The following CELF2 variants were observed in gnomAD, a reference collection of about 807,000 sequenced individuals.
CELF2 encodes the protein CUGBP Elav-like family member 2, also known as CUG triplet repeat RNA-binding protein 2.
Under a neutral mutation model 62.6 loss-of-function variants are expected in CELF2, and 8 were observed. That is an observed-to-expected ratio of 0.13 (90% CI 0.07 to 0.23). The LOEUF is 0.23. CELF2 is among the 10% of genes least tolerant of loss of function. CELF2 has a pLI of 1.00. For synonymous variants in CELF2, 258 were observed against 250.0 expected (o/e 1.03, Z -0.30); for missense variants, 333 against 671.0 (o/e 0.50, Z 5.56).
chr10:11,059,847 A>G (rs2066285092), intron 1 of CELF2, among the ~76,000 whole-genome samples: 1 of 152,222 alleles, frequency 6.6e-6, no homozygotes, highest in African/African-American at 2.4e-5. Context: ...GTGCACCTGA[A>G]GGAGGGAATA....
At chr10:10,913,859 G>GAAGGAAGGAAGGAAGGA in intron 1 of CELF2, among the ~76,000 whole-genome samples, 1 of 8,152 alleles carries the variant, frequency 1.2e-4, no homozygotes, top group South Asian at 7.7e-3. Context: ...GGGAAGGAGA[G>GAAGGAAGGAAGGAAGGA]AAGGAAGGAA....
intron 2 of CELF2, among the ~76,000 whole-genome samples, chr10:10,964,129 A>C (rs909384104): frequency 4.6e-5 from 7 of 152,152 alleles, no homozygotes; most frequent in African/African-American, 1.7e-4. Flanking sequence ...AGATAACACT[A>C]TTTTGCAATT....
chr10:10,926,623 G>T (rs1180115619), intron 2 of CELF2, among the ~76,000 whole-genome samples: 1 of 152,174 alleles, frequency 6.6e-6, no homozygotes, highest in Non-Finnish European at 1.5e-5. Context: ...GTCACGTGGG[G>T]ACCATGTCCA....
rs1229668457 is a variant in CELF2 at position 10,983,846 on chromosome 10, T to G, written c.89+63847T>G. 6.6e-6 allele frequency among the ~76,000 whole-genome samples: 1 copy of G among 152,154 alleles called. No individual in the cohort carries two copies. Among genetic ancestry groups the G allele is most frequent in the Non-Finnish European group, 1.5e-5 (1 of 68,024 alleles). On this transcript the variant is annotated intron_variant, in intron 2 of 13. Coordinates refer to the CELF2 transcript ENST00000636488. The surrounding 1 kb of genome is among the most constrained non-coding windows in gnomAD (Gnocchi z 5.2). ...TCCCAAAGTGCTGGGATTACAGGCATGAGCTACCACGCCTGGCCGATATAT... is the reference window on the plus strand; with the variant it reads ...TCCCAAAGTGCTGGGATTACAGGCAGGAGCTACCACGCCTGGCCGATATAT...
Position 11,099,994 on chromosome 10 carries a change from C to T in CELF2, c.75-65492C>T, listed in dbSNP as rs118138175. On this transcript the variant is annotated intron_variant, in intron 1 of 12. Transcript: ENST00000633077. ...GATGGGCAGATCACCTGAGGTCAGGCGTTTGAGATCAGCCTAGCCAACATG... is the reference window on the plus strand; with the variant it reads ...GATGGGCAGATCACCTGAGGTCAGGTGTTTGAGATCAGCCTAGCCAACATG... 5.2e-3 allele frequency among the ~76,000 whole-genome samples: 787 copies of T among 151,674 alleles called. 3 individuals carry two copies. Among genetic ancestry groups the T allele is most frequent in the Non-Finnish European group, 9.2e-3 (628 of 67,940 alleles).
chr10:10,807,399 A>G (rs1020651639), intron 1 of CELF2, among the ~76,000 whole-genome samples: 5 of 152,210 alleles, frequency 3.3e-5, no homozygotes, highest in Non-Finnish European at 1.5e-5. Flanking sequence ...ATGTCTGGTC[A>G]TATCTGATTT....
chr10:10,682,141 T>C, the CELF2 span, among the ~76,000 whole-genome samples: 8 of 152,204 alleles, frequency 5.3e-5, no homozygotes, highest in African/African-American at 1.9e-4. Context: ...CAATGTAATA[T>C]GGACCACCCC....
chr10:10,941,748 C>T (rs2047071473), intron 2 of CELF2, among the ~76,000 whole-genome samples: 1 of 152,168 alleles, frequency 6.6e-6, no homozygotes, highest in African/African-American at 2.4e-5. Flanking sequence ...AATCCCAGCA[C>T]ATTGGGAGAC....
chr10:10,674,053 A>G, the CELF2 span, among the ~76,000 whole-genome samples: 9 of 152,184 alleles, frequency 5.9e-5, no homozygotes, highest in Admixed American at 5.9e-4. Flanking sequence ...GATTGACAGT[A>G]TTGTTGAATT....
chr10:10,537,115 G>A, the CELF2 span, among the ~76,000 whole-genome samples: 1 of 152,148 alleles, frequency 6.6e-6, no homozygotes, highest in Non-Finnish European at 1.5e-5. Context: ...ACAAGAGGGA[G>A]GAAGCCTCCT....
chr10:10,778,579 T>A, the CELF2 span, among the ~76,000 whole-genome samples: 7 of 152,248 alleles, frequency 4.6e-5, no homozygotes, highest in Non-Finnish European at 7.3e-5. Context: ...TTGCCCTTTT[T>A]ATTACCCTGA....
intron 1 of CELF2, among the ~76,000 whole-genome samples, chr10:10,815,905 T>G (rs1445035158): frequency 3.8e-5 from 1 of 26,168 alleles, no homozygotes; most frequent in African/African-American, 2.8e-4. Context: ...GTTTGGGTTG[T>G]TTTTTTTTTT....
intron 1 of CELF2, among the ~76,000 whole-genome samples, chr10:10,837,372 C>G (rs1174751609): frequency 1.3e-5 from 2 of 152,206 alleles, no homozygotes; most frequent in East Asian, 3.8e-4. Flanking sequence ...CCTCCCCAGC[C>G]TCGTGGAACT....
chr10:11,073,813 G>A (rs1236771949), intron 1 of CELF2, among the ~76,000 whole-genome samples: 1 of 152,138 alleles, frequency 6.6e-6, no homozygotes, highest in Non-Finnish European at 1.5e-5. Flanking sequence ...TGTCCTTCGT[G>A]TTTTACCTAG....
chr10:11,329,085 T>A lies in CELF2; in HGVS notation c.*32T>A. The A allele has an allele frequency of 6.3e-7, 1 of 1,589,858 alleles. No individual in the cohort carries two copies. The highest frequency in any genetic ancestry group is 8.6e-7 in the Non-Finnish European group (1 of 1,162,714). On this transcript the variant is annotated 3_prime_UTR_variant, in exon 13 of 13. Transcript: ENST00000633077. The surrounding 1 kb of genome is among the most constrained non-coding windows in gnomAD (Gnocchi z 5.5). ...CCCCAGAGGCTCCCTGCTCTCATTTTAGCTTTCTTAGGGTAAGTCCCACGA... is the reference window on the plus strand; with the variant it reads ...CCCCAGAGGCTCCCTGCTCTCATTTAAGCTTTCTTAGGGTAAGTCCCACGA...
chr10:11,011,642 C>T lies in CELF2; in HGVS notation c.53+6202C>T, dbSNP rs747048604. On this transcript the variant is annotated intron_variant, in intron 1 of 12. Coordinates refer to the CELF2 transcript ENST00000416382. The surrounding 1 kb of genome is among the most constrained non-coding windows in gnomAD (Gnocchi z 4.6). ...AGTGAAGTGATTAGGTCACATGACA[C>T]TTTGTACTCAGCGATAGTGGTAGGA... 4.0e-5 allele frequency among the ~76,000 whole-genome samples: 6 copies of T among 151,218 alleles called. No homozygotes were observed. Among genetic ancestry groups the T allele is most frequent in the South Asian group, 2.1e-4 (1 of 4,808 alleles).
At chr10:10,653,222 C>T in the CELF2 span, among the ~76,000 whole-genome samples, 2 of 152,064 alleles carry the variant, frequency 1.3e-5, no homozygotes, top group Non-Finnish European at 2.9e-5. Flanking sequence ...TAAAGCAAGT[C>T]CTGAGTGACC....
the CELF2 span, among the ~76,000 whole-genome samples, chr10:10,470,818 A>G: frequency 6.6e-6 from 1 of 151,048 alleles, no homozygotes; most frequent in Non-Finnish European, 1.5e-5. Context: ...TAAAGATTTC[A>G]GGGATTAAAG....
the CELF2 span, among the ~76,000 whole-genome samples, chr10:10,720,735 C>T: frequency 2.0e-5 from 3 of 152,226 alleles, no homozygotes; most frequent in Non-Finnish European, 4.4e-5. Context: ...TCGTTAATCA[C>T]GAGTCCAGTC....
Sources: allele counts gnomAD v4.1 joint callset (sites outside exome capture counted in the v4.1 genomes callset), GRCh38; gene constraint gnomAD v4.1.1; non-coding constraint Gnocchi (gnomAD v3.1); transcripts MANE v1.5; gene names NCBI Gene and HGNC (gene_info 2026-07-23, HGNC 2026-07-21).